Variants in PIP5K1B observed in about 807,000 individuals in gnomAD.
PIP5K1B encodes the protein phosphatidylinositol-4-phosphate 5-kinase type 1 beta, also known as phosphatidylinositol 4-phosphate 5-kinase type-1 beta.
In PIP5K1B, 42 loss-of-function variants were observed where a neutral mutation model predicts 67.0. That is an observed-to-expected ratio of 0.63 (90% CI 0.49 to 0.81). The LOEUF is 0.81. Ranked by LOEUF, PIP5K1B falls within the 30% of genes least tolerant of loss-of-function variation. The pLI is 0.00. For missense variants in PIP5K1B, 459 were observed against 646.3 expected (o/e 0.71, Z 3.14); for synonymous variants, 214 against 231.4 (o/e 0.92, Z 0.68).
chr9:68,779,974 C>A, intron 2 of PIP5K1B: 1 of 667,112 alleles, frequency 1.5e-6, no homozygotes, highest in Non-Finnish European at 2.3e-6. Context: ...CTGCCGCGCA[C>A]ATATTACGCA....
At chr9:68,817,344 T>G (rs1833497145) in intron 2 of PIP5K1B, among the ~76,000 whole-genome samples, 1 of 152,222 alleles carries the variant, frequency 6.6e-6, no homozygotes. Flanking sequence ...GTTAACATGC[T>G]TATTATGTTT....
intron 2 of PIP5K1B, among the ~76,000 whole-genome samples, chr9:68,762,582 G>A (rs1396678880): frequency 6.6e-6 from 1 of 152,130 alleles, no homozygotes; most frequent in Non-Finnish European, 1.5e-5. Flanking sequence ...TGCACAGGAA[G>A]CTGATATAGA....
intron 4 of PIP5K1B, among the ~76,000 whole-genome samples, chr9:68,858,037 C>T (rs1412967477): frequency 6.6e-6 from 1 of 151,816 alleles, no homozygotes; most frequent in African/African-American, 2.4e-5. Flanking sequence ...GCAGTGGCGC[C>T]ATCTTGGGTC....
At chr9:68,887,663 G>A (rs369782552) in intron 6 of PIP5K1B, among the ~76,000 whole-genome samples, 4 of 152,328 alleles carry the variant, frequency 2.6e-5, no homozygotes, top group African/African-American at 9.6e-5. Flanking sequence ...GGGGATGAGA[G>A]TGGACAATTA....
chr9:68,947,162 A>G (rs375436448), intron 14 of PIP5K1B, among the ~76,000 whole-genome samples: 6 of 152,198 alleles, frequency 3.9e-5, no homozygotes, highest in Non-Finnish European at 4.4e-5. Context: ...TGGAATTTCA[A>G]AGGGAATTGG....
chr9:68,890,955 A>G (rs186538780), intron 7 of PIP5K1B, among the ~76,000 whole-genome samples: 51 of 152,326 alleles, frequency 3.3e-4, no homozygotes, highest in Admixed American at 2.9e-3. Flanking sequence ...AAAATTAGAT[A>G]AAAAGTTAAG....
chr9:68,743,916 T>C (rs1564102287), intron 2 of PIP5K1B, among the ~76,000 whole-genome samples: 1 of 152,100 alleles, frequency 6.6e-6, no homozygotes, highest in Non-Finnish European at 1.5e-5. Context: ...GGGAATCCTG[T>C]TAGGGTGACA....
intron 1 of PIP5K1B, among the ~76,000 whole-genome samples, chr9:68,708,599 T>A (rs1045091072): frequency 7.5e-6 from 1 of 132,540 alleles, no homozygotes; most frequent in Non-Finnish European, 1.5e-5. Context: ...TTCCTAGAAA[T>A]TGACTTGTCC....
intron 4 of PIP5K1B, among the ~76,000 whole-genome samples, chr9:68,840,432 G>T (rs1821859981): frequency 6.6e-6 from 1 of 151,632 alleles, no homozygotes. Flanking sequence ...GTTTCTTATT[G>T]CTGCAGTCGC....
chr9:68,986,681 A>T (rs1830108407), intron 14 of PIP5K1B, among the ~76,000 whole-genome samples: 2 of 152,172 alleles, frequency 1.3e-5, no homozygotes, highest in South Asian at 4.1e-4. Flanking sequence ...TTTTTTCTGT[A>T]ATCATACTAT....
intron 1 of PIP5K1B, among the ~76,000 whole-genome samples, chr9:68,732,352 T>C (rs1205846310): frequency 2.6e-5 from 4 of 152,198 alleles, no homozygotes; most frequent in Non-Finnish European, 5.9e-5. Context: ...CATGGATCTT[T>C]TTTGTTGTTG....
chr9:68,901,238 C>T (rs966794150), intron 8 of PIP5K1B, among the ~76,000 whole-genome samples: 18 of 152,192 alleles, frequency 1.2e-4, no homozygotes, highest in African/African-American at 3.9e-4. Context: ...ATTGACTCCA[C>T]ACTCCTAAAT....
At chr9:69,004,617 T>C (rs1046665032) in intron 15 of PIP5K1B, among the ~76,000 whole-genome samples, 1 of 152,198 alleles carries the variant, frequency 6.6e-6, no homozygotes, top group Non-Finnish European at 1.5e-5. Context: ...GCTGCTAATC[T>C]TTTGGGCAAT....
intron 4 of PIP5K1B, among the ~76,000 whole-genome samples, chr9:68,840,803 C>G (rs12341382): frequency 1.8e-4 from 27 of 152,262 alleles, no homozygotes; most frequent in African/African-American, 6.3e-4. Flanking sequence ...CAACCTTGAT[C>G]GTATTTGCAA....
At chr9:68,858,581 A>G (rs565704961) in intron 4 of PIP5K1B, among the ~76,000 whole-genome samples, 1 of 152,322 alleles carries the variant, frequency 6.6e-6, no homozygotes, top group South Asian at 2.1e-4. Context: ...ATATTCTAAG[A>G]TAGGCTTCCA....
chr9:68,798,976 A>G (rs1175451021), intron 2 of PIP5K1B, among the ~76,000 whole-genome samples: 2 of 152,210 alleles, frequency 1.3e-5, no homozygotes, highest in African/African-American at 4.8e-5. Flanking sequence ...GATTTTTGTA[A>G]ATGAAGTTTA....
intron 5 of PIP5K1B, among the ~76,000 whole-genome samples, chr9:68,870,633 C>T (rs183629954): frequency 6.6e-6 from 1 of 152,332 alleles, no homozygotes; most frequent in East Asian, 1.9e-4. Context: ...AACTTGAAGA[C>T]TGGGTACCAT....
chr9:68,732,968 A>G (rs1257948258), intron 1 of PIP5K1B, among the ~76,000 whole-genome samples: 1 of 151,872 alleles, frequency 6.6e-6, no homozygotes, highest in African/African-American at 2.4e-5. Flanking sequence ...GACGACGATG[A>G]TGTGGTTGGA....
chr9:68,764,535 G>A (rs1451456873), intron 2 of PIP5K1B, among the ~76,000 whole-genome samples: 1 of 151,686 alleles, frequency 6.6e-6, no homozygotes, highest in Admixed American at 6.6e-5. Flanking sequence ...AGTTACTACT[G>A]TAGGCCTTTA....
Sources: gnomAD v4.1 joint callset for allele counts (sites outside exome capture counted in the v4.1 genomes callset) on GRCh38, gnomAD v4.1.1 for gene constraint, MANE v1.5 for transcripts, NCBI Gene and HGNC (gene_info 2026-07-23, HGNC 2026-07-21) for gene names.